Variants in ARHGEF33 observed in about 807,000 individuals in gnomAD.
The protein encoded by ARHGEF33 is Rho guanine nucleotide exchange factor 33.
In ARHGEF33, 72 loss-of-function variants were observed where a neutral mutation model predicts 101.9. The ratio of observed to expected loss-of-function variants is 0.71; its 90% confidence interval spans 0.58 to 0.86. The LOEUF (loss-of-function observed/expected upper bound fraction) is 0.86. Among genes scored for constraint, ARHGEF33 ranks in the 40% least tolerant of loss-of-function variants. The probability of loss-of-function intolerance (pLI) is 0.00; values close to 1 mark genes in which losing one functional copy is unlikely to be tolerated. For missense variants in ARHGEF33, 1,169 were observed against 1,111.3 expected, an observed-to-expected ratio of 1.05 and a Z score of -0.74; for synonymous variants, 499 against 442.5, an observed-to-expected ratio of 1.13 and a Z score of -1.60.
At chr2:38,896,212 C>T (rs1416412986) in intron 2 of ARHGEF33, among the ~76,000 whole-genome samples, 1 of 152,190 alleles carries the variant, frequency 6.6e-6, no homozygotes. Flanking sequence ...GATCTTAGGT[C>T]ACTGCAACCT....
rs529356346 is a variant in ARHGEF33 at position 38,943,490 on chromosome 2, A to T, written c.791-411A>T. Among the ~76,000 whole-genome samples the T allele has an allele frequency of 8.6e-5, 13 of 152,044 alleles. No individual in the cohort carries two copies. The East Asian group carries it at 1.6e-3, about 18-fold the overall frequency. ...AGATCCCAGAAACCAGGGCTTCTCT[A>T]GTTTCATTTTTCTTGTTTGCCATGG... On this transcript the variant is annotated intron_variant, in intron 9 of 17. Coordinates refer to ENST00000409978, the MANE Select transcript of ARHGEF33 (RefSeq NM_001145451.5).
chr2:38,894,520 G>A (rs778072799), intron 1 of ARHGEF33, among the ~76,000 whole-genome samples: 5 of 152,148 alleles, frequency 3.3e-5, no homozygotes, highest in African/African-American at 9.7e-5. Flanking sequence ...GCCCACAAAG[G>A]TAGGCAGTCT....
chr2:38,921,842 G>T (rs1666764852), intron 4 of ARHGEF33, among the ~76,000 whole-genome samples: 1 of 152,160 alleles, frequency 6.6e-6, no homozygotes, highest in Non-Finnish European at 1.5e-5. Flanking sequence ...TACACTGCAA[G>T]ATAACATTTC....
At chr2:38,948,252 C>T (rs1047496732) in intron 10 of ARHGEF33, among the ~76,000 whole-genome samples, 2 of 152,212 alleles carry the variant, frequency 1.3e-5, no homozygotes, top group Non-Finnish European at 2.9e-5. Context: ...TCACACTCCT[C>T]CCTAATTTCA....
intron 9 of ARHGEF33, among the ~76,000 whole-genome samples, chr2:38,938,087 T>C (rs1667196617): frequency 6.6e-6 from 1 of 152,288 alleles, no homozygotes; most frequent in South Asian, 2.1e-4. Context: ...AAAAAAAGTA[T>C]TAAAAGGTTT....
intron 2 of ARHGEF33, among the ~76,000 whole-genome samples, chr2:38,896,592 C>T (rs1210695241): frequency 6.6e-6 from 1 of 152,188 alleles, no homozygotes; most frequent in East Asian, 1.9e-4. Flanking sequence ...CTATTATGCC[C>T]ACTTGACAGT....
At chr2:38,904,440 T>C (rs1666341364) in intron 2 of ARHGEF33, among the ~76,000 whole-genome samples, 1 of 152,014 alleles carries the variant, frequency 6.6e-6, no homozygotes, top group African/African-American at 2.4e-5. Context: ...GTGCAGTGGC[T>C]CACTCCTGTA....
chr2:38,960,896 C>T (rs1397287044), intron 16 of ARHGEF33, among the ~76,000 whole-genome samples: 1 of 152,202 alleles, frequency 6.6e-6, no homozygotes, highest in Admixed American at 6.5e-5. Flanking sequence ...ACCCAAAGAG[C>T]TTGCCTCATA....
At chr2:38,920,212 A>G (rs752091199) in intron 3 of ARHGEF33, among the ~76,000 whole-genome samples, 6 of 152,120 alleles carry the variant, frequency 3.9e-5, no homozygotes, top group Non-Finnish European at 5.9e-5. Context: ...GGCTTCCTCT[A>G]TAAACTGTTT....
At chr2:38,961,418 C>A (rs1338312051) in intron 16 of ARHGEF33, among the ~76,000 whole-genome samples, 2 of 152,104 alleles carry the variant, frequency 1.3e-5, no homozygotes, top group South Asian at 4.2e-4. Flanking sequence ...TGTCTGCAAG[C>A]CTGGAGGGCA....
intron 2 of ARHGEF33, among the ~76,000 whole-genome samples, chr2:38,903,434 T>C (rs2124981308): frequency 6.6e-6 from 1 of 151,636 alleles, no homozygotes; most frequent in Non-Finnish European, 1.5e-5. Flanking sequence ...TTTTTTTAGA[T>C]TTATTCTGCA....
At chr2:38,950,713 G>C (rs572652627) in intron 10 of ARHGEF33, among the ~76,000 whole-genome samples, 1 of 152,146 alleles carries the variant, frequency 6.6e-6, no homozygotes, top group Non-Finnish European at 1.5e-5. Context: ...CAAAGTGCTG[G>C]GATTACAGGT....
intron 17 of ARHGEF33, among the ~76,000 whole-genome samples, chr2:38,967,704 T>C (rs557750957): frequency 6.6e-6 from 1 of 151,710 alleles, no homozygotes; most frequent in South Asian, 2.1e-4. Context: ...GCCTCCTGAG[T>C]AGCTGGGATT....
At chr2:38,937,271 A>C in intron 8 of ARHGEF33, 64 bp from the exon 9 acceptor site, 1 of 824,132 alleles carries the variant, frequency 1.2e-6, no homozygotes, top group East Asian at 2.7e-5. Flanking sequence ...TAACAAACAT[A>C]TTTTTTAAAA....
intron 3 of ARHGEF33, among the ~76,000 whole-genome samples, chr2:38,921,027 C>T (rs1247700057): frequency 6.6e-6 from 1 of 152,114 alleles, no homozygotes; most frequent in Non-Finnish European, 1.5e-5. Flanking sequence ...CCCTGCAGGT[C>T]AATTCCAGTT....
At chr2:38,966,903 G>T (rs1668063462) in intron 17 of ARHGEF33, among the ~76,000 whole-genome samples, 1 of 152,178 alleles carries the variant, frequency 6.6e-6, no homozygotes, top group Non-Finnish European at 1.5e-5. Flanking sequence ...GCCACTGCCT[G>T]CCTGAGAGAC....
intron 11 of ARHGEF33, 100 bp downstream of exon 11, chr2:38,951,221 A>T: frequency 6.3e-6 from 7 of 1,107,224 alleles, no homozygotes; most frequent in South Asian, 1.6e-5. Context: ...TGAATTTCAC[A>T]GCTAGAACCA....
At chr2:38,923,708 C>T (rs1666809416) in intron 4 of ARHGEF33, among the ~76,000 whole-genome samples, 1 of 152,176 alleles carries the variant, frequency 6.6e-6, no homozygotes, top group South Asian at 2.1e-4. Context: ...CAAGAGGTCT[C>T]ATGCAGTCAT....
Position 38,973,719 on chromosome 2 carries a change from G to A in ARHGEF33, c.2489G>A (p.Ser830Asn). Residue 830 changes from serine (S) to asparagine (N), a missense_variant, in exon 18 of 18, where the codon AGT (serine) becomes AAT (asparagine). Transcript: ENST00000409978. Reference sequence around the variant, plus strand: ...TCTGTGTGCTGAGATTTTAGGTCCAGTGGATCAGAATACAGGGAAAAAACT... The same window carrying A: ...TCTGTGTGCTGAGATTTTAGGTCCAATGGATCAGAATACAGGGAAAAAACT... Reference protein sequence around the residue: ...SFRKLFKKKSSGSEYREKTNE... With the variant: ...SFRKLFKKKSNGSEYREKTNE... 6.5e-7 allele frequency: 1 copy of A among 1,532,188 alleles called. No individual in the cohort carries two copies. The allele number at this position is 1,532,188 out of a possible 1,614,324, so 94.9% of individuals were successfully genotyped here. A position where few individuals can be genotyped will look rare whatever the true frequency, so the allele number is the denominator to read the frequency against.
Sources: allele counts gnomAD v4.1 joint callset (sites outside exome capture counted in the v4.1 genomes callset), GRCh38; gene constraint gnomAD v4.1.1; transcripts MANE v1.5; gene names NCBI Gene and HGNC (gene_info 2026-07-23, HGNC 2026-07-21).